Variants in MYOM2 observed in about 807,000 individuals in gnomAD.
The protein encoded by MYOM2 is myomesin-2.
In MYOM2, 254 loss-of-function variants were observed where a neutral mutation model predicts 187.6. The observed-to-expected ratio is 1.35, with a 90% CI of 1.22 to 1.50. MYOM2 has a LOEUF of 1.50. Ranked by LOEUF, MYOM2 falls within the 40% of genes most tolerant of loss-of-function variation. The probability of loss-of-function intolerance (pLI) is 0.00; values close to 1 mark genes in which losing one functional copy is unlikely to be tolerated. For synonymous variants in MYOM2, 981 were observed against 753.8 expected, an observed-to-expected ratio of 1.30 and a Z score of -4.94; for missense variants, 2,796 against 1,924.0, an observed-to-expected ratio of 1.45 and a Z score of -8.48.
At chr8:2,074,639 GA>G (rs1819352440) in intron 10 of MYOM2, among the ~76,000 whole-genome samples, 1 of 152,046 alleles carries the variant, frequency 6.6e-6, no homozygotes, top group Admixed American at 6.6e-5. Flanking sequence ...ATTTTTAGTA[GA>G]GATGGGATTT....
At chr8:2,075,319 C>A (rs1018894296) in intron 10 of MYOM2, among the ~76,000 whole-genome samples, 1 of 152,100 alleles carries the variant, frequency 6.6e-6, no homozygotes, top group Non-Finnish European at 1.5e-5. Flanking sequence ...AAATGCAACA[C>A]GGCTCAAATC....
intron 28 of MYOM2, among the ~76,000 whole-genome samples, chr8:2,121,543 T>A (rs1011632781): frequency 3.3e-5 from 5 of 152,242 alleles, no homozygotes; most frequent in Non-Finnish European, 7.3e-5. Context: ...TTGATTTACA[T>A]ACTTGTGTCC....
chr8:2,128,450 G>A (rs980139474), intron 31 of MYOM2, among the ~76,000 whole-genome samples: 1 of 152,174 alleles, frequency 6.6e-6, no homozygotes, highest in African/African-American at 2.4e-5. Flanking sequence ...AAATTTCCAA[G>A]GCTGAATATC....
intron 6 of MYOM2, among the ~76,000 whole-genome samples, chr8:2,061,245 G>A (rs531958649): frequency 1.7e-4 from 26 of 151,434 alleles, no homozygotes; most frequent in South Asian, 2.1e-4. Context: ...CTCTGTCCCC[G>A]TCCAGCCCAG....
At position 2,144,646 on chromosome 8, in the gene MYOM2, A is replaced by G. The variant is rs766874430; in HGVS notation, c.4081-18A>G. 1.2e-6 allele frequency: 2 copies of G among 1,611,262 alleles called. No individual in the cohort carries two copies. The highest frequency in any genetic ancestry group is 1.7e-5 in the Admixed American group (1 of 58,750). ...TTTTTCTAACTCTTCCTTCTCCACC[A>G]ACCTCTTCCGTCCAAAGACCTTGAA... On this transcript the variant is annotated intron_variant, in intron 36 of 36. Transcript: ENST00000262113.
intron 2 of MYOM2, among the ~76,000 whole-genome samples, chr8:2,051,900 C>T (rs1164631477): frequency 1.3e-5 from 2 of 152,152 alleles, no homozygotes; most frequent in Non-Finnish European, 2.9e-5. Flanking sequence ...TGTGGGAAGG[C>T]GTGTCCTTGC....
Position 2,100,990 on chromosome 8 carries a change from G to A in MYOM2, c.2555G>A (p.Arg852Lys), listed in dbSNP as rs1460832217. 1 of 1,614,082 alleles carries A rather than the reference G, an allele frequency of 6.2e-7. No homozygotes were observed. The highest frequency in any genetic ancestry group is 1.7e-5 in the Admixed American group (1 of 60,006). The change falls in exon 20 of 37, where the codon AGG becomes AAG. Residue 852 changes from arginine (R) to lysine (K), a missense_variant. Physicochemically the swap from Arg to Lys is conservative, Grantham distance 26. Coordinates refer to ENST00000262113, the MANE Select transcript of MYOM2 (RefSeq NM_003970.4). ...SPVSGYFVDF[R>K]EEDAGEWITV... ...GTTTCTGGATATTTCGTGGACTTCAGGGAGGAGGATGCTGGAGAGTGGATC... is the reference window on the plus strand; with the variant it reads ...GTTTCTGGATATTTCGTGGACTTCAAGGAGGAGGATGCTGGAGAGTGGATC...
At position 2,101,048 on chromosome 8, in the gene MYOM2, T is replaced by A. The variant is rs1469664687; in HGVS notation, c.2613T>A (p.Tyr871Ter). 1.2e-6 allele frequency: 2 copies of A among 1,613,978 alleles called. No individual in the cohort carries two copies. The highest frequency in any genetic ancestry group is 3.3e-5 in the Admixed American group (2 of 60,000). The change falls in exon 20 of 37, where the codon TAT (tyrosine) becomes TAA (stop). Residue 871 changes from tyrosine to a stop codon, truncating the protein, a stop_gained. Coordinates refer to ENST00000262113, the MANE Select transcript of MYOM2 (RefSeq NM_003970.4). LOFTEE classifies it high-confidence loss of function. ...ATCAGACGACAACAGCCAGCCGTTATTTAAAGGTAAGTCTTGGCCGGCTGT... is the reference window on the plus strand; with the variant it reads ...ATCAGACGACAACAGCCAGCCGTTAATTAAAGGTAAGTCTTGGCCGGCTGT... ...TVNQTTTASR[Y>*]LKVSDLQQGK...
Position 2,129,163 on chromosome 8 carries a change from C to G in MYOM2, c.3731C>G (p.Pro1244Arg). The G allele has an allele frequency of 6.2e-7, 1 of 1,611,852 alleles. No homozygotes were observed. The highest frequency in any genetic ancestry group is 8.5e-7 in the Non-Finnish European group (1 of 1,178,074). Residue 1244 changes from proline (P) to arginine (R), a missense_variant, in exon 32 of 37, where the codon CCA becomes CGA. Pro to Arg is a moderately radical substitution (Grantham distance 103). Transcript: ENST00000262113. ...SASPLKVLCT[P>R]EGIRLQCFMK... is the part of the protein sequence containing the mutation. ...TCGCCACTGAAGGTACTCTGCACCCCAGAAGGAATACGACTTCAGTGTTTC... is the reference window on the plus strand; with the variant it reads ...TCGCCACTGAAGGTACTCTGCACCCGAGAAGGAATACGACTTCAGTGTTTC...
At chr8:2,133,366 C>CT (rs1230735853) in intron 32 of MYOM2, among the ~76,000 whole-genome samples, 2 of 152,204 alleles carry the variant, frequency 1.3e-5, no homozygotes, top group African/African-American at 4.8e-5. Flanking sequence ...TTGGACCACA[C>CT]TGAGAAGAGC....
chr8:2,138,427 A>T (rs960325845), intron 32 of MYOM2, among the ~76,000 whole-genome samples: 3 of 152,206 alleles, frequency 2.0e-5, no homozygotes, highest in African/African-American at 4.8e-5. Context: ...AGCAACGTAT[A>T]GAATTCCAGA....
intron 1 of MYOM2, among the ~76,000 whole-genome samples, chr8:2,046,196 A>G (rs1818305958): frequency 6.6e-6 from 1 of 152,346 alleles, no homozygotes. Flanking sequence ...GTGGAAGTCA[A>G]TGTTTTGTAC....
rs75871604 is a variant in MYOM2 at position 2,135,934 on chromosome 8, G to A, written c.3801-4789G>A. 5.7e-4 allele frequency among the ~76,000 whole-genome samples: 87 copies of A among 152,332 alleles called. 1 individual carries two copies. In the East Asian group the frequency reaches 0.016, roughly 28 times the overall value. On this transcript the variant is annotated intron_variant, in intron 32 of 36. Transcript: ENST00000262113. ...CAAATGAGTGGGCGTGGGGTCTAGG[G>A]TGAGACCCTGAAGCTGGGAGTGGGA...
intron 5 of MYOM2, among the ~76,000 whole-genome samples, chr8:2,058,794 C>T (rs1007508215): frequency 3.3e-5 from 5 of 152,112 alleles, no homozygotes; most frequent in African/African-American, 4.8e-5. Flanking sequence ...CGTTAGGTCC[C>T]GCAGAACTCC....
chr8:2,145,103 A>G lies in MYOM2; in HGVS notation c.*122A>G. The G allele has an allele frequency of 9.3e-7, 1 of 1,070,786 alleles. No homozygotes were observed. The allele number at this position is 1,070,786 out of a possible 1,614,324, so 66.3% of individuals were successfully genotyped here. ...CCTGTGTGGGCTGATAGTTGATCAC[A>G]CATTGTGCTTTTGATTTTTGCATTT... is the stretch of plus-strand genomic sequence containing the variant. On this transcript the variant is annotated 3_prime_UTR_variant, in exon 37 of 37. Coordinates refer to ENST00000262113, the MANE Select transcript of MYOM2 (RefSeq NM_003970.4).
chr8:2,079,550 C>G lies in MYOM2; in HGVS notation c.1463-10C>G. ...CATGTCAAATCGAGTGTCAACCTTT[C>G]TCTCCGCAGCCGTTCATTTGGAGGG... On this transcript the variant is annotated splice_polypyrimidine_tract_variant and intron_variant, in intron 12 of 36. Coordinates refer to ENST00000262113, the MANE Select transcript of MYOM2 (RefSeq NM_003970.4). 6.2e-7 allele frequency: 1 copy of G among 1,614,076 alleles called. No homozygotes were observed. Among genetic ancestry groups the G allele is most frequent in the Non-Finnish European group, 8.5e-7 (1 of 1,179,970 alleles).
chr8:2,141,725 G>A (rs1396641686), intron 34 of MYOM2, among the ~76,000 whole-genome samples: 4 of 152,164 alleles, frequency 2.6e-5, no homozygotes, highest in Non-Finnish European at 5.9e-5. Flanking sequence ...GGTGTCATTT[G>A]TGGTTTATGG....
chr8:2,061,296 G>A (rs1818844469), intron 6 of MYOM2, among the ~76,000 whole-genome samples: 1 of 151,988 alleles, frequency 6.6e-6, no homozygotes, highest in Admixed American at 6.5e-5. Context: ...GTCCAGCCCA[G>A]TGTTTAGTGA....
chr8:2,089,864 G>A, intron 14 of MYOM2, 144 bp from the exon 15 acceptor site: 3 of 589,688 alleles, frequency 5.1e-6, no homozygotes, highest in Non-Finnish European at 8.4e-6. Flanking sequence ...CAAAAAAGAT[G>A]CATGACCATC....
Sources: gnomAD v4.1 joint callset for allele counts (sites outside exome capture counted in the v4.1 genomes callset) on GRCh38, gnomAD v4.1.1 for gene constraint, MANE v1.5 for transcripts, NCBI Gene and HGNC (gene_info 2026-07-23, HGNC 2026-07-21) for gene names.